The following PTPRK variants were observed in gnomAD, a reference collection of about 807,000 sequenced individuals.
The protein encoded by PTPRK is receptor-type tyrosine-protein phosphatase kappa.
Under a neutral mutation model 178.0 loss-of-function variants are expected in PTPRK, and 75 were observed. The ratio of observed to expected loss-of-function variants is 0.42; its 90% confidence interval spans 0.35 to 0.51. The LOEUF is 0.51. PTPRK is among the 20% of genes least tolerant of loss of function. The pLI is 0.02. For missense variants in PTPRK, 1,441 were observed against 1,797.8 expected, an observed-to-expected ratio of 0.80 and a Z score of 3.59; for synonymous variants, 637 against 620.6, an observed-to-expected ratio of 1.03 and a Z score of -0.39.
chr6:128,516,062 G>A (rs1285033744), intron 1 of PTPRK, among the ~76,000 whole-genome samples: 2 of 152,140 alleles, frequency 1.3e-5, no homozygotes, highest in Non-Finnish European at 2.9e-5. Flanking sequence ...TTTGGTTAGT[G>A]GATGAGTCAT....
At chr6:128,021,693 A>G (rs980894113) in intron 13 of PTPRK, among the ~76,000 whole-genome samples, 2 of 152,184 alleles carry the variant, frequency 1.3e-5, no homozygotes, top group African/African-American at 2.4e-5. Flanking sequence ...CCAGCCCTCA[A>G]TCCCCCAAGG....
In PTPRK at chr6:128,435,036, G is replaced by A. The variant is rs956503195; in HGVS notation, c.101-37348C>T. Among the ~76,000 whole-genome samples, 7 of 98,582 alleles carry A rather than the reference G, an allele frequency of 7.1e-5. No homozygotes were observed. In the East Asian group the frequency reaches 2.1e-3, roughly 30 times the overall value. 64.7% of individuals were successfully genotyped at this position (98,582 alleles called of 152,430 possible). ...AGGCAAGAAGGAAGTAAGACAGGAA[G>A]GCAGGAAGGCAGGAAGGAAGGAAGG... On this transcript the variant is annotated intron_variant, in intron 1 of 29. Coordinates refer to ENST00000368226, the MANE Select transcript of PTPRK (RefSeq NM_002844.4).
intron 7 of PTPRK, among the ~76,000 whole-genome samples, chr6:128,182,962 A>G (rs1222847810): frequency 6.6e-6 from 1 of 152,202 alleles, no homozygotes; most frequent in East Asian, 1.9e-4. Flanking sequence ...GTTTGGGCAC[A>G]GGAAGTCAAG....
At position 128,067,653 on chromosome 6, in the gene PTPRK, G is replaced by C; in HGVS notation, c.2023C>G (p.Pro675Ala). ...GAPYYFAAEL[P>A]PGNLPEPAPF... ...GCAGGCTCAGGTAGGTTTCCCGGGG[G>C]GAGTTCTGCAGCAAAGTAATACGGT... The change falls in exon 12 of 30, where the codon CCC becomes GCC. Residue 675 changes from proline (P) to alanine (A), a missense_variant. Physicochemically the swap from Pro to Ala is conservative, Grantham distance 27 (BLOSUM62 -1). Transcript: ENST00000368226. 6.2e-7 allele frequency: 1 copy of C among 1,613,762 alleles called. No homozygotes were observed. The highest frequency in any genetic ancestry group is 1.1e-5 in the South Asian group (1 of 91,054).
At chr6:128,145,050 A>T (rs2114528063) in intron 7 of PTPRK, among the ~76,000 whole-genome samples, 1 of 152,276 alleles carries the variant, frequency 6.6e-6, no homozygotes, top group African/African-American at 2.4e-5. Flanking sequence ...TCCAACAGCT[A>T]CACAATAACA....
rs17055559 is a variant in PTPRK at position 128,279,816 on chromosome 6, G to A, written c.496-37214C>T. Among the ~76,000 whole-genome samples, 1,326 of 152,222 alleles carry A rather than the reference G, an allele frequency of 8.7e-3. 18 individuals carry two copies. The highest frequency in any genetic ancestry group is 0.035 in the Admixed American group (529 of 15,284). ...TGGAAGAAAGTATTCGTGGATCACAGCTAACGCCCTTATTATTAACAACTC... is the reference window on the plus strand; with the variant it reads ...TGGAAGAAAGTATTCGTGGATCACAACTAACGCCCTTATTATTAACAACTC... On this transcript the variant is annotated intron_variant, in intron 3 of 29. Coordinates refer to ENST00000368226, the MANE Select transcript of PTPRK (RefSeq NM_002844.4).
At chr6:128,460,643 C>T (rs1848941498) in intron 1 of PTPRK, among the ~76,000 whole-genome samples, 1 of 152,184 alleles carries the variant, frequency 6.6e-6, no homozygotes, top group Admixed American at 6.5e-5. Flanking sequence ...TATTAAGTCA[C>T]TGACACAAGT....
chr6:128,456,972 C>T (rs112073657), intron 1 of PTPRK, among the ~76,000 whole-genome samples: 1,567 of 152,166 alleles, frequency 0.01, 17 homozygotes, highest in Middle Eastern at 0.027. Flanking sequence ...TCCCAACCCA[C>T]CCCTGTAATC....
At chr6:128,124,518 T>C (rs1298219266) in intron 7 of PTPRK, among the ~76,000 whole-genome samples, 6 of 152,098 alleles carry the variant, frequency 3.9e-5, no homozygotes, top group African/African-American at 1.4e-4. Context: ...CATCAGTCAA[T>C]CCACTACACC....
intron 7 of PTPRK, among the ~76,000 whole-genome samples, chr6:128,091,599 T>C (rs1786963815): frequency 6.6e-6 from 1 of 152,154 alleles, no homozygotes; most frequent in Admixed American, 6.5e-5. Context: ...AATGAGAAAG[T>C]AAGATTTCCC....
intron 1 of PTPRK, among the ~76,000 whole-genome samples, chr6:128,474,177 A>AAAACAAACAAAC (rs10645749): frequency 1.3e-3 from 197 of 151,188 alleles, no homozygotes; most frequent in African/African-American, 2.8e-3. Context: ...ATGGTAGGGG[A>AAAACAAACAAAC]AAACAAACAA....
At chr6:128,123,599 T>C (rs1792832388) in intron 7 of PTPRK, among the ~76,000 whole-genome samples, 1 of 152,200 alleles carries the variant, frequency 6.6e-6, no homozygotes. Context: ...GAACCAATAT[T>C]GGTACATTAT....
intron 13 of PTPRK, among the ~76,000 whole-genome samples, chr6:128,013,120 C>T (rs545598326): frequency 2.7e-4 from 41 of 151,454 alleles, no homozygotes; most frequent in Non-Finnish European, 5.0e-4. Context: ...ATGTGACATT[C>T]CTGTCTACTC....
chr6:128,110,314 T>C (rs1790439036), intron 7 of PTPRK, among the ~76,000 whole-genome samples: 2 of 152,146 alleles, frequency 1.3e-5, no homozygotes. Flanking sequence ...ACAAAATGTC[T>C]ACATCAATGA....
At chr6:128,109,239 A>G (rs1454240993) in intron 7 of PTPRK, among the ~76,000 whole-genome samples, 2 of 152,106 alleles carry the variant, frequency 1.3e-5, no homozygotes, top group African/African-American at 4.8e-5. Flanking sequence ...ACAAGTTTCA[A>G]AAGTTTGAAA....
intron 3 of PTPRK, among the ~76,000 whole-genome samples, chr6:128,254,990 GT>G (rs1387756340): frequency 6.6e-6 from 1 of 152,022 alleles, no homozygotes; most frequent in African/African-American, 2.4e-5. Flanking sequence ...TAAAATCAGG[GT>G]TTTGTTTTGT....
intron 2 of PTPRK, among the ~76,000 whole-genome samples, chr6:128,350,818 A>G (rs1562334233): frequency 6.6e-6 from 1 of 152,176 alleles, no homozygotes. Flanking sequence ...TAGAGCTTTC[A>G]ATGTGCAAAC....
intron 1 of PTPRK, among the ~76,000 whole-genome samples, chr6:128,478,141 T>TG (rs1375338582): frequency 6.6e-6 from 1 of 152,184 alleles, no homozygotes; most frequent in East Asian, 1.9e-4. Flanking sequence ...TACCATTCAG[T>TG]GGGGAAAAAA....
At chr6:128,123,255 C>G (rs1792773482) in intron 7 of PTPRK, among the ~76,000 whole-genome samples, 1 of 152,120 alleles carries the variant, frequency 6.6e-6, no homozygotes, top group Non-Finnish European at 1.5e-5. Flanking sequence ...CTAGAAACTT[C>G]AGAGAGAGCA....
Sources: allele counts gnomAD v4.1 joint callset (sites outside exome capture counted in the v4.1 genomes callset), GRCh38; gene constraint gnomAD v4.1.1; transcripts MANE v1.5; gene names NCBI Gene and HGNC (gene_info 2026-07-23, HGNC 2026-07-21).